Variants in CLASP1 observed in about 807,000 individuals in gnomAD.
The protein encoded by CLASP1 is CLIP-associating protein 1.
CLASP1 carries 38 observed loss-of-function variants against 192.3 expected under a neutral mutation model. That is an observed-to-expected ratio of 0.20 (90% CI 0.15 to 0.26). The LOEUF (loss-of-function observed/expected upper bound fraction) is 0.26, where lower values mean the gene tolerates loss of function less well. Among genes scored for constraint, CLASP1 ranks in the 10% least tolerant of loss-of-function variants. The pLI is 1.00. For synonymous variants in CLASP1, 691 were observed against 712.8 expected, an observed-to-expected ratio of 0.97 and a Z score of 0.49; for missense variants, 1,433 against 1,932.5, an observed-to-expected ratio of 0.74 and a Z score of 4.85.
At chr2:121,485,328 A>G (rs1466465486) in intron 8 of CLASP1, among the ~76,000 whole-genome samples, 1 of 152,090 alleles carries the variant, frequency 6.6e-6, no homozygotes, top group African/African-American at 2.4e-5. Context: ...CAAAAAGTGT[A>G]CTCTTTCTCT....
chr2:121,368,382 T>C (rs971576508), intron 34 of CLASP1, among the ~76,000 whole-genome samples: 3 of 152,198 alleles, frequency 2.0e-5, no homozygotes, highest in Non-Finnish European at 4.4e-5. Flanking sequence ...ATCATTCTTC[T>C]TTTAGATATT....
chr2:121,640,344 A>G (rs1326080169), intron 1 of CLASP1, among the ~76,000 whole-genome samples: 1 of 152,220 alleles, frequency 6.6e-6, no homozygotes, highest in Non-Finnish European at 1.5e-5. Context: ...CGTTGTGCAC[A>G]TGTACCCTAG....
At chr2:121,554,649 T>G (rs898853727) in intron 2 of CLASP1, among the ~76,000 whole-genome samples, 1 of 151,856 alleles carries the variant, frequency 6.6e-6, no homozygotes, top group Non-Finnish European at 1.5e-5. Flanking sequence ...AGACTACATA[T>G]TATATGTTCC....
At chr2:121,370,048 G>C (rs1392578359) in intron 34 of CLASP1, among the ~76,000 whole-genome samples, 1 of 152,096 alleles carries the variant, frequency 6.6e-6, no homozygotes, top group East Asian at 1.9e-4. Context: ...CTTGATATAA[G>C]TCTGCTGTAT....
intron 2 of CLASP1, among the ~76,000 whole-genome samples, chr2:121,553,694 T>C (rs1975308): frequency 0.97 from 148,381 of 152,240 alleles, 72,340 homozygotes; most frequent in Middle Eastern, 1. Flanking sequence ...AGCAAGACTC[T>C]GTCTCAAAAA....
intron 1 of CLASP1, among the ~76,000 whole-genome samples, chr2:121,608,697 T>C (rs184743516): frequency 2.0e-3 from 308 of 152,302 alleles, no homozygotes; most frequent in Admixed American, 3.9e-3. Context: ...AAATAACATT[T>C]CATTGTTGTT....
intron 6 of CLASP1, among the ~76,000 whole-genome samples, chr2:121,517,099 T>C (rs1287970701): frequency 2.0e-5 from 3 of 152,240 alleles, no homozygotes; most frequent in Non-Finnish European, 4.4e-5. Context: ...TCTGTATATG[T>C]ATGTATGTGT....
chr2:121,422,409 G>C (rs1470758972), intron 22 of CLASP1, among the ~76,000 whole-genome samples: 1 of 152,118 alleles, frequency 6.6e-6, no homozygotes, highest in Non-Finnish European at 1.5e-5. Context: ...CAGAATGAAA[G>C]CTGCAAAAAT....
intron 20 of CLASP1, 58 bp from the exon 21 acceptor site, chr2:121,427,488 C>CA: frequency 6.3e-7 from 1 of 1,577,298 alleles, no homozygotes; most frequent in East Asian, 2.2e-5. Flanking sequence ...GACAATAACA[C>CA]AATACAGAAG....
intron 39 of CLASP1, among the ~76,000 whole-genome samples, chr2:121,345,738 C>T (rs922758418): frequency 6.6e-5 from 10 of 152,238 alleles, no homozygotes; most frequent in African/African-American, 2.4e-4. Flanking sequence ...TCCAGCCTAT[C>T]TGCTGATTCC....
chr2:121,612,233 AG>A (rs1421491118), intron 1 of CLASP1, among the ~76,000 whole-genome samples: 2 of 150,270 alleles, frequency 1.3e-5, no homozygotes, highest in Admixed American at 6.6e-5. Context: ...GAGTTATAGG[AG>A]GAAGAGGAGC....
rs979931279 is a variant in CLASP1, at chr2:121,595,496, G to T, written c.195+10205C>A. ...TGACATTCAATTTATTACTTCTTCT[G>T]TTGCATGTATCCTTATTTAAATTTT... On this transcript the variant is annotated intron_variant, in intron 2 of 39. Transcript: ENST00000263710. Among the ~76,000 whole-genome samples, 4 of 152,194 alleles carry T rather than the reference G, an allele frequency of 2.6e-5. No homozygotes were observed. In the South Asian group the frequency reaches 8.3e-4, roughly 31 times the overall value.
At chr2:121,507,067 G>A (rs1427031721) in intron 7 of CLASP1, among the ~76,000 whole-genome samples, 1 of 152,006 alleles carries the variant, frequency 6.6e-6, no homozygotes, top group African/African-American at 2.4e-5. Flanking sequence ...CCATACAAAG[G>A]AAATAAAAAT....
chr2:121,521,885 T>C (rs2094465173), intron 6 of CLASP1, among the ~76,000 whole-genome samples: 1 of 152,134 alleles, frequency 6.6e-6, no homozygotes, highest in South Asian at 2.1e-4. Context: ...GGGAAAGTCA[T>C]TCAAATAGTT....
At chr2:121,352,799 G>A (rs1362332392) in intron 37 of CLASP1, among the ~76,000 whole-genome samples, 2 of 152,036 alleles carry the variant, frequency 1.3e-5, no homozygotes, top group Non-Finnish European at 2.9e-5. Context: ...GATTACAGGT[G>A]CGTGCCACCA....
chr2:121,519,405 G>A (rs1372504458), intron 6 of CLASP1, among the ~76,000 whole-genome samples: 1 of 152,196 alleles, frequency 6.6e-6, no homozygotes, highest in East Asian at 1.9e-4. Flanking sequence ...GGACAGAAGA[G>A]GGATAAGGTG....
chr2:121,510,211 A>G (rs1039301818), intron 7 of CLASP1, among the ~76,000 whole-genome samples: 15 of 152,210 alleles, frequency 9.9e-5, no homozygotes, highest in Admixed American at 5.2e-4. Flanking sequence ...TTAGAGTGAA[A>G]TAAGCAAAAT....
At position 121,507,464 on chromosome 2, in the gene CLASP1, A is replaced by G. The variant is rs186943703; in HGVS notation, c.645-4230T>C. 2.0e-3 allele frequency among the ~76,000 whole-genome samples: 312 copies of G among 152,328 alleles called. 1 individual carries two copies. Among genetic ancestry groups the G allele is most frequent in the African/African-American group, 7.2e-3 (298 of 41,582 alleles). On this transcript the variant is annotated intron_variant, in intron 7 of 39. Coordinates refer to ENST00000263710, the Ensembl canonical transcript of CLASP1. Reference sequence around the variant, plus strand: ...ATCATCTTACAAAACCAATGTACCAACATAGTCACATAACAGAAGTCCCAG... The same window carrying G: ...ATCATCTTACAAAACCAATGTACCAGCATAGTCACATAACAGAAGTCCCAG...
exon 2 of CLASP1, chr2:121,605,916 C>A: frequency 6.2e-7 from 1 of 1,610,376 alleles, no homozygotes; most frequent in Non-Finnish European, 8.5e-7. Flanking sequence ...AAATCCAGAT[C>A]CAGCAAAAGC....
Sources: allele counts gnomAD v4.1 joint callset (sites outside exome capture counted in the v4.1 genomes callset), GRCh38; gene constraint gnomAD v4.1.1; transcripts MANE v1.5; gene names NCBI Gene and HGNC (gene_info 2026-07-23, HGNC 2026-07-21).